UNG: variants seen among roughly 807,000 people sequenced by gnomAD.
UNG encodes the protein uracil DNA glycosylase.
A neutral mutation model predicts 36.5 loss-of-function variants in UNG; 34 were observed. That is an observed-to-expected ratio of 0.93 (90% CI 0.71 to 1.24). The LOEUF is 1.24. Ranked by LOEUF, UNG falls within the 50% of genes most tolerant of loss-of-function variation. The pLI, the probability that UNG is intolerant of heterozygous loss-of-function variation, is 0.00. For missense variants in UNG, 391 were observed against 397.6 expected (o/e 0.98, Z 0.14); for synonymous variants, 172 against 157.8 (o/e 1.09, Z -0.67).
chr12:109,109,483 GAA>G, intron 6 of UNG, among the ~76,000 whole-genome samples: 1 of 147,596 alleles, frequency 6.8e-6, no homozygotes, highest in Middle Eastern at 3.4e-3. Context: ...CCTTTTTGGG[GAA>G]AAAAAAAAAA....
chr12:109,098,069 C>T lies in UNG; in HGVS notation c.132+258C>T, dbSNP rs550990261. 26 of 1,380,010 alleles carry T rather than the reference C, an allele frequency of 1.9e-5. No individual in the cohort carries two copies. The South Asian group carries it at 4.0e-4, about 21-fold the overall frequency. The allele number at this position is 1,380,010 out of a possible 1,614,324, so 85.5% of individuals were successfully genotyped here. A position where few individuals can be genotyped will look rare whatever the true frequency, so the allele number is the denominator to read the frequency against. On this transcript the variant is annotated intron_variant, in intron 1 of 6. Coordinates refer to ENST00000242576, the MANE Select transcript of UNG (RefSeq NM_080911.3). ...GGCCCTCCTGGCTCGGTGCGCTGTC[C>T]AATCAGAGGGGAGAGGGGGCGGGAC...
intron 1 of UNG, 194 bp downstream of exon 1, chr12:109,098,005 A>C: frequency 8.0e-7 from 1 of 1,253,058 alleles, no homozygotes; most frequent in South Asian, 1.8e-5. Context: ...GCCAATGGGA[A>C]CGCGTCTCGG....
At chr12:109,102,784 T>G (rs2042187824) in intron 4 of UNG, 55 bp from the exon 5 acceptor site, 1 of 1,452,334 alleles carries the variant, frequency 6.9e-7, no homozygotes, top group South Asian at 1.1e-5. Flanking sequence ...GTTACTGAGC[T>G]TTCAAAATTA....
intron 6 of UNG, chr12:109,105,326 A>G (rs1473914152): frequency 6.6e-6 from 1 of 152,242 alleles, no homozygotes; most frequent in Non-Finnish European, 1.5e-5. Context: ...CTAAGATGTG[A>G]TCATCTAGGT....
intron 4 of UNG, 32 bp from the exon 5 acceptor site, chr12:109,102,807 T>C: frequency 7.0e-7 from 1 of 1,436,562 alleles, no homozygotes; most frequent in Non-Finnish European, 9.8e-7. Context: ...CTTAAGATTC[T>C]GTTTTTTGTT....
chr12:109,107,018 C>T (rs2042223225), intron 6 of UNG, among the ~76,000 whole-genome samples: 1 of 146,954 alleles, frequency 6.8e-6, no homozygotes, highest in Non-Finnish European at 1.5e-5. Flanking sequence ...GTATTTAGTA[C>T]AGTAACATGC....
intron 6 of UNG, among the ~76,000 whole-genome samples, chr12:109,109,037 G>T (rs1372819330): frequency 6.6e-6 from 1 of 152,176 alleles, no homozygotes; most frequent in South Asian, 2.1e-4. Flanking sequence ...GCTAATGTAG[G>T]TGTTCTGAGC....
chr12:109,105,993 T>A (rs1223347515), intron 6 of UNG, among the ~76,000 whole-genome samples: 1 of 152,230 alleles, frequency 6.6e-6, no homozygotes, highest in Non-Finnish European at 1.5e-5. Context: ...CCCCTTTACT[T>A]TTTCACGGTG....
intron 5 of UNG, among the ~76,000 whole-genome samples, chr12:109,103,175 C>A (rs938042883): frequency 1.3e-5 from 2 of 151,922 alleles, no homozygotes; most frequent in African/African-American, 4.8e-5. Context: ...AGGCTGGTCT[C>A]GAACTCCTGA....
intron 5 of UNG, among the ~76,000 whole-genome samples, 165 bp downstream of exon 5, chr12:109,103,092 C>G (rs2042190630): frequency 6.6e-6 from 1 of 152,066 alleles, no homozygotes; most frequent in South Asian, 2.1e-4. Flanking sequence ...GCTGGGACCA[C>G]AGGCATGAGC....
In UNG at chr12:109,109,878, A is replaced by G. The variant is rs149153434; in HGVS notation, c.851A>G (p.Tyr284Cys). The G allele has an allele frequency of 2.5e-5, 40 of 1,614,012 alleles. No individual in the cohort carries two copies. Among genetic ancestry groups the G allele is most frequent in the South Asian group, 2.2e-4 (20 of 91,082 alleles). Residue 284 changes from tyrosine to cysteine, a missense_variant, in exon 7 of 7, where the codon TAT (tyrosine) becomes TGT (cysteine). Physicochemically the swap from Tyr to Cys is radical, Grantham distance 194. Transcript: ENST00000242576. ...QTAHPSPLSVYRGFFGCRHFS... is the reference protein window; with the variant it reads ...QTAHPSPLSVCRGFFGCRHFS... ...GCTCATCCCTCCCCTTTGTCAGTGT[A>G]TAGAGGGTTCTTTGGATGTAGACAC...
In UNG at chr12:109,110,145, A is replaced by G. The variant is rs2042250462; in HGVS notation, c.*176A>G. ...TGGCAGCTGTATCCAACCACAAACA[A>G]CAAAGGCTACCCTTTGACCAAATGT... On this transcript the variant is annotated 3_prime_UTR_variant, in exon 7 of 7. Transcript: ENST00000242576. The G allele has an allele frequency of 3.9e-6, 3 of 772,522 alleles. No individual in the cohort carries two copies. Among genetic ancestry groups the G allele is most frequent in the Non-Finnish European group, 6.3e-6 (3 of 477,870 alleles). The allele number at this position is 772,522 out of a possible 1,614,324, so 47.9% of individuals were successfully genotyped here.
rs2042249015 is a variant in UNG at position 109,109,975 on chromosome 12, A to T, written c.*6A>T. 2 of 1,614,156 alleles carry T rather than the reference A, an allele frequency of 1.2e-6. No individual in the cohort carries two copies. Among genetic ancestry groups the T allele is most frequent in the South Asian group, 2.2e-5 (2 of 91,082 alleles). On this transcript the variant is annotated 3_prime_UTR_variant, in exon 7 of 7. Coordinates refer to ENST00000242576, the MANE Select transcript of UNG (RefSeq NM_080911.3). ...TTGACTGGAAGGAGCTGTGATCATC[A>T]GCTGAGGGGTGGCCTTTGAGAAGCT...
Position 109,102,275 on chromosome 12 carries a change from T to C in UNG, c.533+276T>C, listed in dbSNP as rs55993308. Among the ~76,000 whole-genome samples, 508 of 152,232 alleles carry C rather than the reference T, an allele frequency of 3.3e-3. 4 individuals carry two copies. Among genetic ancestry groups the C allele is most frequent in the African/African-American group, 0.011 (455 of 41,550 alleles). ...CGTGATAATGAAAAATGTGCAGACA[T>C]TGCCAAAAGTCCCTTGGGGGCGTAA... On this transcript the variant is annotated intron_variant, in intron 4 of 6. Transcript: ENST00000242576.
At chr12:109,107,898 A>G (rs756451851) in intron 6 of UNG, among the ~76,000 whole-genome samples, 1 of 152,096 alleles carries the variant, frequency 6.6e-6, no homozygotes, top group Non-Finnish European at 1.5e-5. Flanking sequence ...TAGGAGCTGT[A>G]AGACTATTCA....
chr12:109,109,975 A>G lies in UNG; in HGVS notation c.*6A>G. 2 of 1,614,156 alleles carry G rather than the reference A, an allele frequency of 1.2e-6. No homozygotes were observed. Among genetic ancestry groups the G allele is most frequent in the Non-Finnish European group, 1.7e-6 (2 of 1,180,032 alleles). ...TTGACTGGAAGGAGCTGTGATCATC[A>G]GCTGAGGGGTGGCCTTTGAGAAGCT... On this transcript the variant is annotated 3_prime_UTR_variant, in exon 7 of 7. Transcript: ENST00000242576.
At chr12:109,100,724 T>G (rs1226529066) in intron 3 of UNG, among the ~76,000 whole-genome samples, 1 of 152,180 alleles carries the variant, frequency 6.6e-6, no homozygotes, top group Non-Finnish European at 1.5e-5. Context: ...AGACCAGCAT[T>G]GGGAGAGTTG....
intron 4 of UNG, 100 bp from the exon 5 acceptor site, chr12:109,102,739 C>A: frequency 2.1e-6 from 2 of 951,128 alleles, no homozygotes; most frequent in South Asian, 1.3e-5. Context: ...CAAGGGCTGG[C>A]TGTAACTTCT....
chr12:109,097,866 C>T (rs2042143372), intron 1 of UNG, 55 bp downstream of exon 1: 1 of 1,462,898 alleles, frequency 6.8e-7, no homozygotes. Flanking sequence ...AGGCGGTGGG[C>T]CCCGCCTGAC....
Sources: gnomAD v4.1 joint callset for allele counts (sites outside exome capture counted in the v4.1 genomes callset) on GRCh38, gnomAD v4.1.1 for gene constraint, MANE v1.5 for transcripts, NCBI Gene and HGNC (gene_info 2026-07-23, HGNC 2026-07-21) for gene names.